The following RARB variants were observed in gnomAD, a reference collection of about 807,000 sequenced individuals.
The protein encoded by RARB is HBV-activated protein.
In RARB, 17 loss-of-function variants were observed where a neutral mutation model predicts 51.9. The ratio of observed to expected loss-of-function variants is 0.33; its 90% confidence interval spans 0.22 to 0.49. The LOEUF is 0.49. Ranked by LOEUF, RARB falls within the 20% of genes least tolerant of loss-of-function variation. RARB has a pLI of 0.99. For missense variants in RARB, 369 were observed against 550.8 expected, an observed-to-expected ratio of 0.67 and a Z score of 3.30; for synonymous variants, 215 against 195.4, an observed-to-expected ratio of 1.10 and a Z score of -0.84.
rs537788826 is a variant in RARB at position 25,113,086 on chromosome 3, T to C, written c.-327-19075T>C. Among the ~76,000 whole-genome samples, 9 of 152,346 alleles carry C rather than the reference T, an allele frequency of 5.9e-5. No homozygotes were observed. In the South Asian group the frequency reaches 1.4e-3, roughly 25 times the overall value. On this transcript the variant is annotated intron_variant, in intron 3 of 11. Transcript: ENST00000383772. ...GGAAATGAATCACATTATAAAGTTATCTGTCATTTGCTTTATTTTTGTTCT... is the reference window on the plus strand; with the variant it reads ...GGAAATGAATCACATTATAAAGTTACCTGTCATTTGCTTTATTTTTGTTCT...
At chr3:24,927,502 T>C (rs760681214) in intron 2 of RARB, among the ~76,000 whole-genome samples, 1 of 152,102 alleles carries the variant, frequency 6.6e-6, no homozygotes, top group Non-Finnish European at 1.5e-5. Flanking sequence ...GAAAGCTCTA[T>C]GTGACATCTG....
At chr3:25,080,237 C>A (rs986868930) in intron 3 of RARB, among the ~76,000 whole-genome samples, 9 of 152,188 alleles carry the variant, frequency 5.9e-5, no homozygotes, top group Non-Finnish European at 1.2e-4. Context: ...TCAAAGTTCA[C>A]CCATTTTGGA....
chr3:24,948,803 G>C (rs1400755910), intron 2 of RARB, among the ~76,000 whole-genome samples: 1 of 152,082 alleles, frequency 6.6e-6, no homozygotes, highest in Non-Finnish European at 1.5e-5. Flanking sequence ...TCCCTCTCTT[G>C]CTTCCCTTCT....
intron 3 of RARB, among the ~76,000 whole-genome samples, chr3:25,559,778 A>T: frequency 6.6e-6 from 1 of 152,206 alleles, no homozygotes; most frequent in Non-Finnish European, 1.5e-5. Flanking sequence ...AGATGAAAGG[A>T]TGGACAGATG....
At chr3:24,980,514 T>C (rs1336886380) in intron 2 of RARB, among the ~76,000 whole-genome samples, 2 of 152,176 alleles carry the variant, frequency 1.3e-5, no homozygotes, top group Admixed American at 1.3e-4. Context: ...TAATTTGATC[T>C]TCAGTCGATC....
intron 2 of RARB, among the ~76,000 whole-genome samples, chr3:24,972,488 T>A (rs74401475): frequency 1.3e-5 from 2 of 152,030 alleles, no homozygotes; most frequent in Admixed American, 6.6e-5. Context: ...TGATTTTTTT[T>A]CTTTTGGATG....
At chr3:25,396,330 G>A (rs1707113056) in intron 5 of RARB, among the ~76,000 whole-genome samples, 1 of 152,214 alleles carries the variant, frequency 6.6e-6, no homozygotes, top group Non-Finnish European at 1.5e-5. Context: ...TGGTTTTCTT[G>A]AATGCTGGTT....
intron 5 of RARB, among the ~76,000 whole-genome samples, chr3:25,309,332 G>A (rs2125432509): frequency 6.6e-6 from 1 of 150,382 alleles, no homozygotes; most frequent in South Asian, 2.1e-4. Context: ...GCAGAGACGG[G>A]GTTTCACCGT....
chr3:25,192,937 C>A (rs1245416423), intron 5 of RARB, among the ~76,000 whole-genome samples: 1 of 151,962 alleles, frequency 6.6e-6, no homozygotes, highest in Non-Finnish European at 1.5e-5. Flanking sequence ...TAAATGGAAC[C>A]AAGAGCCAGG....
At chr3:24,964,142 C>T (rs981871220) in intron 2 of RARB, among the ~76,000 whole-genome samples, 33 of 151,988 alleles carry the variant, frequency 2.2e-4, no homozygotes, top group African/African-American at 7.7e-4. Flanking sequence ...ACCCCCCCAC[C>T]CCACATACTG....
At chr3:24,883,749 T>C (rs1295994637) in intron 2 of RARB, among the ~76,000 whole-genome samples, 1 of 152,098 alleles carries the variant, frequency 6.6e-6, no homozygotes, top group Non-Finnish European at 1.5e-5. Flanking sequence ...GGGTGTCAGA[T>C]ACAGAGCATT....
At chr3:25,013,936 T>C (rs1697453085) in intron 2 of RARB, among the ~76,000 whole-genome samples, 1 of 152,136 alleles carries the variant, frequency 6.6e-6, no homozygotes, top group Non-Finnish European at 1.5e-5. Context: ...CGGATAGTAT[T>C]AGCTTCAGGC....
intron 2 of RARB, among the ~76,000 whole-genome samples, chr3:25,490,535 T>C (rs1302113843): frequency 6.6e-6 from 1 of 152,192 alleles, no homozygotes. Flanking sequence ...TCAGTATATA[T>C]GAGCATGTTT....
intron 1 of RARB, among the ~76,000 whole-genome samples, chr3:25,442,911 TCTCC>T (rs1708761754): frequency 6.6e-6 from 1 of 152,104 alleles, no homozygotes. Context: ...GGGCAGAGTA[TCTCC>T]CAACATTTTC....
chr3:25,032,933 G>A (rs773137310), intron 2 of RARB, among the ~76,000 whole-genome samples: 1 of 152,164 alleles, frequency 6.6e-6, no homozygotes, highest in Non-Finnish European at 1.5e-5. Context: ...AATGAACATA[G>A]TATTTTGCAA....
At chr3:25,584,316 A>T (rs777963860) in intron 5 of RARB, among the ~76,000 whole-genome samples, 4 of 152,182 alleles carry the variant, frequency 2.6e-5, no homozygotes, top group Non-Finnish European at 5.9e-5. Flanking sequence ...CACAGACAGT[A>T]AGCAAGCAGA....
intron 2 of RARB, among the ~76,000 whole-genome samples, chr3:25,482,640 G>A (rs1221432009): frequency 2.1e-5 from 3 of 140,662 alleles, no homozygotes; most frequent in African/African-American, 7.9e-5. Flanking sequence ...CCCAGGTTCA[G>A]GTGATTCTTC....
At chr3:24,893,164 C>T (rs1229107863) in intron 2 of RARB, among the ~76,000 whole-genome samples, 2 of 152,162 alleles carry the variant, frequency 1.3e-5, no homozygotes, top group Non-Finnish European at 2.9e-5. Context: ...GGTTTCCCAT[C>T]AATAGAATGG....
chr3:25,467,836 C>G (rs181665677), intron 2 of RARB, among the ~76,000 whole-genome samples: 11 of 152,306 alleles, frequency 7.2e-5, no homozygotes, highest in Non-Finnish European at 1.3e-4. Context: ...AGTTTCAGGC[C>G]CTATGCCGGG....
Sources: allele counts gnomAD v4.1 joint callset (sites outside exome capture counted in the v4.1 genomes callset), GRCh38; gene constraint gnomAD v4.1.1; transcripts MANE v1.5; gene names NCBI Gene and HGNC (gene_info 2026-07-23, HGNC 2026-07-21).